Variants in TSPAN9 observed in about 807,000 individuals in gnomAD.
TSPAN9 encodes the protein tetraspanin-9.
Under a neutral mutation model 31.0 loss-of-function variants are expected in TSPAN9, and 16 were observed. That is an observed-to-expected ratio of 0.52 (90% CI 0.35 to 0.78). The LOEUF (loss-of-function observed/expected upper bound fraction) is 0.78, where lower values mean the gene tolerates loss of function less well. Ranked by LOEUF, TSPAN9 falls within the 30% of genes least tolerant of loss-of-function variation. The probability of loss-of-function intolerance (pLI) is 0.01; values close to 1 mark genes in which losing one functional copy is unlikely to be tolerated. For missense variants in TSPAN9, 272 were observed against 312.5 expected (o/e 0.87, Z 0.98); for synonymous variants, 145 against 121.6 (o/e 1.19, Z -1.27).
chr12:3,103,920 T>G (rs74057525), intron 2 of TSPAN9, among the ~76,000 whole-genome samples: 5,849 of 152,132 alleles, frequency 0.038, 389 homozygotes, highest in African/African-American at 0.13. Flanking sequence ...AATTGGTGTA[T>G]ATCAGGAGGT....
intron 2 of TSPAN9, among the ~76,000 whole-genome samples, chr12:3,182,308 G>C (rs1321147474): frequency 6.6e-6 from 1 of 151,996 alleles, no homozygotes; most frequent in Admixed American, 6.6e-5. Flanking sequence ...GATGGAGGGT[G>C]GGGGGCTTCA....
chr12:3,236,007 G>T (rs1044041807), intron 3 of TSPAN9, among the ~76,000 whole-genome samples: 3 of 152,260 alleles, frequency 2.0e-5, no homozygotes, highest in Non-Finnish European at 4.4e-5. Context: ...CTGATTCAGG[G>T]TTCCACAGCT....
chr12:3,209,925 C>G (rs1347212678), intron 3 of TSPAN9, among the ~76,000 whole-genome samples: 3 of 136,446 alleles, frequency 2.2e-5, no homozygotes, highest in African/African-American at 2.7e-5. Context: ...TGCCACTGCA[C>G]TCCAGCCTGG....
chr12:3,283,090 C>G lies in TSPAN9; in HGVS notation c.694C>G (p.Arg232Gly), dbSNP rs769331425. The G allele has an allele frequency of 3.1e-6, 5 of 1,609,500 alleles. No individual in the cohort carries two copies. The highest frequency in any genetic ancestry group is 1.3e-5 in the African/African-American group (1 of 74,926). The change falls in exon 9 of 9, where the codon CGG (arginine) becomes GGG (glycine). Residue 232 changes from arginine (R) to glycine (G), a missense_variant. Physicochemically the swap from Arg to Gly is moderately radical, Grantham distance 125. Transcript: ENST00000011898. The stretch of plus-strand genomic sequence containing the variant: ...CATGACCCTCTTCCAGCACATCCAC[C>G]GGACTGGTAAGAAGTACGACGCATG... ...FSMTLFQHIHRTGKKYDA is the reference protein window; with the variant it reads ...FSMTLFQHIHGTGKKYDA
At chr12:3,174,184 C>G (rs959117418) in intron 2 of TSPAN9, 2 of 152,318 alleles carry the variant, frequency 1.3e-5, no homozygotes, top group African/African-American at 4.8e-5. Context: ...CCTCCTGCCT[C>G]AGCCTCCTGA....
At chr12:3,216,148 A>C (rs2098381280) in intron 3 of TSPAN9, among the ~76,000 whole-genome samples, 1 of 150,752 alleles carries the variant, frequency 6.6e-6, no homozygotes, top group African/African-American at 2.5e-5. Context: ...CCCCACCCCC[A>C]CCCCAGCCCT....
At chr12:3,269,460 G>C (rs1223345074) in intron 3 of TSPAN9, among the ~76,000 whole-genome samples, 5 of 127,500 alleles carry the variant, frequency 3.9e-5, no homozygotes, top group Admixed American at 8.0e-5. Context: ...CCTGCCCTCT[G>C]TGCGTTCCTG....
rs1863005958 is a variant in TSPAN9, at chr12:3,285,891, TG to T, written c.*2777del. The T allele has an allele frequency of 6.6e-6, 1 of 152,070 alleles. No individual in the cohort carries two copies. Among genetic ancestry groups the T allele is most frequent in the African/African-American group, 2.4e-5 (1 of 41,368 alleles). 9.4% of individuals were successfully genotyped at this position (152,070 alleles called of 1,614,324 possible). A position where few individuals can be genotyped will look rare whatever the true frequency, so the allele number is the denominator to read the frequency against. On this transcript the variant is annotated 3_prime_UTR_variant, in exon 9 of 9. Transcript: ENST00000011898. ...GCACAGGCTGAGAACTGCTCTTGGG[TG>T]GTGGAAGCAGGTGTCACGGTGCAAG...
chr12:3,130,016 G>T (rs1447218463), intron 2 of TSPAN9, among the ~76,000 whole-genome samples: 1 of 152,208 alleles, frequency 6.6e-6, no homozygotes, highest in Non-Finnish European at 1.5e-5. Context: ...TTTCTTGCGT[G>T]GATCACCGAT....
chr12:3,094,865 T>G lies in TSPAN9; in HGVS notation c.-18+11146T>G, dbSNP rs199947993. On this transcript the variant is annotated intron_variant, in intron 2 of 8. Transcript: ENST00000011898. ...CAATAATCTTTTTTTTTTTTTTTTT[T>G]TTTTGTTTTTAAATTTATTTTTTTA... Among the ~76,000 whole-genome samples the G allele has an allele frequency of 3.8e-3, 412 of 109,726 alleles. 3 individuals are homozygous for G. Among genetic ancestry groups the G allele is most frequent in the East Asian group, 0.032 (140 of 4,378 alleles). The allele number at this position is 109,726 out of a possible 152,430, so 72.0% of individuals were successfully genotyped here.
intron 3 of TSPAN9, among the ~76,000 whole-genome samples, chr12:3,202,434 T>TG (rs1262262220): frequency 6.6e-6 from 1 of 152,020 alleles, no homozygotes; most frequent in Non-Finnish European, 1.5e-5. Flanking sequence ...CTTTTTAGGG[T>TG]GGGGGTGTGT....
chr12:3,199,205 C>A (rs1328993011), intron 2 of TSPAN9, among the ~76,000 whole-genome samples: 1 of 152,212 alleles, frequency 6.6e-6, no homozygotes, highest in African/African-American at 2.4e-5. Context: ...GACATGAATT[C>A]TTCCATCCAG....
intron 3 of TSPAN9, among the ~76,000 whole-genome samples, chr12:3,272,044 T>G (rs1198425966): frequency 1.3e-5 from 2 of 152,220 alleles, no homozygotes; most frequent in Non-Finnish European, 2.9e-5. Context: ...GGGCCTGGCC[T>G]TGGCTCATAG....
At chr12:3,219,331 C>T (rs1196574150) in intron 3 of TSPAN9, among the ~76,000 whole-genome samples, 1 of 152,202 alleles carries the variant, frequency 6.6e-6, no homozygotes, top group Non-Finnish European at 1.5e-5. Context: ...GCACAACACT[C>T]AAGGAAGGGT....
chr12:3,283,091 G>T lies in TSPAN9; in HGVS notation c.695G>T (p.Arg232Leu). 1 of 1,609,560 alleles carries T rather than the reference G, an allele frequency of 6.2e-7. No individual in the cohort carries two copies. Among genetic ancestry groups the T allele is most frequent in the Non-Finnish European group, 8.5e-7 (1 of 1,179,988 alleles). The change falls in exon 9 of 9, where the codon CGG becomes CTG. Residue 232 changes from arginine to leucine, a missense_variant. Transcript: ENST00000011898. ...ATGACCCTCTTCCAGCACATCCACC[G>T]GACTGGTAAGAAGTACGACGCATGA... ...FSMTLFQHIH[R>L]TGKKYDA
chr12:3,178,372 C>A lies in TSPAN9; in HGVS notation c.-17-22805C>A, dbSNP rs193169539. Among the ~76,000 whole-genome samples, 481 of 151,870 alleles carry A rather than the reference C, an allele frequency of 3.2e-3. 3 individuals are homozygous for A. The highest frequency in any genetic ancestry group is 0.011 in the African/African-American group (455 of 41,394). On this transcript the variant is annotated intron_variant, in intron 2 of 8. Transcript: ENST00000011898. The stretch of plus-strand genomic sequence containing the variant: ...GTGGCGTGCTCTCATTTCACTGCAA[C>A]CCCTGCTTCCTGGGTTCAAGCGATT...
At chr12:3,247,405 G>A (rs370862734) in intron 3 of TSPAN9, among the ~76,000 whole-genome samples, 230 of 151,364 alleles carry the variant, frequency 1.5e-3, no homozygotes, top group African/African-American at 5.2e-3. Context: ...AAAGATGTCT[G>A]GGGGTCCTTT....
intron 3 of TSPAN9, among the ~76,000 whole-genome samples, chr12:3,219,109 C>T (rs111893717): frequency 0.021 from 3,140 of 152,236 alleles, 118 homozygotes; most frequent in African/African-American, 0.07. Context: ...CGTGGGCGGC[C>T]GGGGGAGGCC....
chr12:3,106,694 C>T (rs1258360595), intron 2 of TSPAN9, among the ~76,000 whole-genome samples: 3 of 152,148 alleles, frequency 2.0e-5, no homozygotes, highest in African/African-American at 7.2e-5. Context: ...TCACCTGAGC[C>T]CAGGAGTTCG....
Sources: allele counts gnomAD v4.1 joint callset (sites outside exome capture counted in the v4.1 genomes callset), GRCh38; gene constraint gnomAD v4.1.1; transcripts MANE v1.5; gene names NCBI Gene and HGNC (gene_info 2026-07-23, HGNC 2026-07-21).